The following KSR2 variants were observed in gnomAD, a reference collection of about 807,000 sequenced individuals.
The protein encoded by KSR2 is kinase suppressor of ras 2.
In KSR2, 25 loss-of-function variants were observed where a neutral mutation model predicts 107.8. The observed-to-expected ratio is 0.23, with a 90% CI of 0.17 to 0.32. The LOEUF (loss-of-function observed/expected upper bound fraction) is 0.32, where lower values mean the gene tolerates loss of function less well. Among genes scored for constraint, KSR2 ranks in the 10% least tolerant of loss-of-function variants. The pLI is 1.00. For missense variants in KSR2, 887 were observed against 1,268.9 expected, an observed-to-expected ratio of 0.70 and a Z score of 4.57; for synonymous variants, 480 against 507.0, an observed-to-expected ratio of 0.95 and a Z score of 0.71.
intron 1 of KSR2, among the ~76,000 whole-genome samples, chr12:117,906,606 C>CAA (rs561851470): frequency 7.1e-6 from 1 of 139,992 alleles, no homozygotes; most frequent in Non-Finnish European, 1.6e-5. Flanking sequence ...AACTCCTTCT[C>CAA]AAAAAAAAAA....
intron 1 of KSR2, among the ~76,000 whole-genome samples, chr12:117,862,098 G>A (rs911450752): frequency 7.0e-6 from 1 of 143,752 alleles, no homozygotes; most frequent in Non-Finnish European, 1.5e-5. Context: ...GCCTTGTTCC[G>A]TTGCCCAGGC....
chr12:117,966,227 T>A (rs965697179), intron 1 of KSR2, among the ~76,000 whole-genome samples: 1 of 152,130 alleles, frequency 6.6e-6, no homozygotes, highest in Non-Finnish European at 1.5e-5. Flanking sequence ...AAAGAAAACT[T>A]CGAAGAAACT....
chr12:117,599,474 CT>C (rs55638129), intron 5 of KSR2, among the ~76,000 whole-genome samples: 22,102 of 152,158 alleles, frequency 0.15, 1,784 homozygotes, highest in Non-Finnish European at 0.18. Flanking sequence ...TGGCACTCCT[CT>C]TGGGACTGAA....
At chr12:117,751,583 G>C (rs370560836) in intron 4 of KSR2, among the ~76,000 whole-genome samples, 1 of 152,230 alleles carries the variant, frequency 6.6e-6, no homozygotes, top group East Asian at 1.9e-4. Flanking sequence ...TACAGCTTTG[G>C]GAGTCCTTAA....
intron 5 of KSR2, among the ~76,000 whole-genome samples, chr12:117,659,017 G>A (rs977611475): frequency 3.3e-5 from 5 of 152,222 alleles, no homozygotes; most frequent in East Asian, 1.9e-4. Context: ...TGTGTACACC[G>A]TACAGTTCTA....
intron 4 of KSR2, among the ~76,000 whole-genome samples, chr12:117,683,667 C>T (rs1885458364): frequency 6.6e-6 from 1 of 152,166 alleles, no homozygotes; most frequent in African/African-American, 2.4e-5. Flanking sequence ...TCTACCAAGG[C>T]TAGATTTGAA....
At chr12:117,688,686 G>A (rs1002799507) in intron 4 of KSR2, among the ~76,000 whole-genome samples, 7 of 152,278 alleles carry the variant, frequency 4.6e-5, no homozygotes, top group East Asian at 3.9e-4. Flanking sequence ...ATAGAGGCTC[G>A]ATCAGGTTTC....
intron 1 of KSR2, among the ~76,000 whole-genome samples, chr12:117,892,787 CAAAAA>C (rs35897528): frequency 0.044 from 3,805 of 87,188 alleles, 159 homozygotes; most frequent in African/African-American, 0.13. Flanking sequence ...GTGCTATGTG[CAAAAA>C]AAAAAAAAAA....
intron 17 of KSR2, among the ~76,000 whole-genome samples, chr12:117,472,990 C>T (rs767718706): frequency 2.6e-5 from 4 of 152,176 alleles, no homozygotes; most frequent in Non-Finnish European, 4.4e-5. Context: ...CCAGAACTCA[C>T]ACTCATACTG....
intron 1 of KSR2, among the ~76,000 whole-genome samples, chr12:117,908,191 C>T (rs1001749394): frequency 5.9e-5 from 9 of 151,436 alleles, no homozygotes; most frequent in African/African-American, 1.9e-4. Flanking sequence ...TCTCATATAT[C>T]CATTTACATA....
At chr12:117,887,696 C>T (rs1421850450) in intron 1 of KSR2, among the ~76,000 whole-genome samples, 1 of 152,182 alleles carries the variant, frequency 6.6e-6, no homozygotes, top group Non-Finnish European at 1.5e-5. Context: ...GGCTCATCAG[C>T]AGTATCAAGG....
intron 4 of KSR2, among the ~76,000 whole-genome samples, chr12:117,760,800 AT>A (rs1339417525): frequency 6.6e-6 from 1 of 152,206 alleles, no homozygotes; most frequent in Non-Finnish European, 1.5e-5. Context: ...GCCATAGGAT[AT>A]TAATCGTATT....
At chr12:117,698,996 C>T (rs573089619) in intron 4 of KSR2, among the ~76,000 whole-genome samples, 13 of 152,286 alleles carry the variant, frequency 8.5e-5, no homozygotes, top group African/African-American at 2.4e-4. Context: ...GAGGCCATCC[C>T]GTCCCCTTCA....
At chr12:117,672,571 G>C (rs1002024445) in intron 4 of KSR2, among the ~76,000 whole-genome samples, 5 of 152,088 alleles carry the variant, frequency 3.3e-5, no homozygotes, top group Non-Finnish European at 5.9e-5. Flanking sequence ...TATAGAAGTA[G>C]ACTTGAAGAA....
intron 1 of KSR2, among the ~76,000 whole-genome samples, chr12:117,944,059 A>G (rs1270306651): frequency 1.3e-5 from 2 of 152,286 alleles, no homozygotes; most frequent in East Asian, 3.9e-4. Flanking sequence ...CTGTGAGTCC[A>G]TTAAACCTCT....
intron 1 of KSR2, among the ~76,000 whole-genome samples, chr12:117,861,222 A>C (rs368323683): frequency 1.5e-3 from 236 of 152,316 alleles, no homozygotes; most frequent in Non-Finnish European, 3.0e-3. Flanking sequence ...ATGCAGCTCT[A>C]AAATCAAATC....
chr12:117,726,858 A>G (rs924446974), intron 4 of KSR2, among the ~76,000 whole-genome samples: 1 of 152,218 alleles, frequency 6.6e-6, no homozygotes, highest in Non-Finnish European at 1.5e-5. Flanking sequence ...AAAAACTTGT[A>G]CAAGAATGTT....
chr12:117,515,285 T>C (rs939589077), intron 14 of KSR2, among the ~76,000 whole-genome samples: 3 of 152,226 alleles, frequency 2.0e-5, no homozygotes, highest in Admixed American at 6.5e-5. Context: ...CCACATCCTA[T>C]AGTCATCCCT....
At chr12:117,551,794 C>T (rs987361827) in intron 9 of KSR2, among the ~76,000 whole-genome samples, 2 of 152,150 alleles carry the variant, frequency 1.3e-5, no homozygotes, top group Non-Finnish European at 2.9e-5. Flanking sequence ...AGATCTTGTC[C>T]ACCTTCATGT....
Sources: allele counts gnomAD v4.1 joint callset (sites outside exome capture counted in the v4.1 genomes callset), GRCh38; gene constraint gnomAD v4.1.1; transcripts MANE v1.5; gene names NCBI Gene and HGNC (gene_info 2026-07-23, HGNC 2026-07-21).